The following CNGB1 variants were observed in gnomAD, a reference collection of about 807,000 sequenced individuals.
CNGB1 encodes cyclic nucleotide gated channel subunit beta 1.
CNGB1 carries 126 observed loss-of-function variants against 151.7 expected under a neutral mutation model. That is an observed-to-expected ratio of 0.83 (90% confidence interval 0.72 to 0.96). The LOEUF is 0.96. Ranked by LOEUF, CNGB1 falls within the 40% of genes least tolerant of loss-of-function variation. The pLI is 0.00. For synonymous variants in CNGB1, 623 were observed against 635.1 expected, an observed-to-expected ratio of 0.98 and a Z score of 0.29; for missense variants, 1,698 against 1,627.0, an observed-to-expected ratio of 1.04 and a Z score of -0.75.
At chr16:57,969,967 G>A (rs1962498625) in intron 1 of CNGB1, among the ~76,000 whole-genome samples, 1 of 152,204 alleles carries the variant, frequency 6.6e-6, no homozygotes, top group South Asian at 2.1e-4. Flanking sequence ...CAGCTGAAGA[G>A]GGCAGCCCAG....
Position 57,955,178 on chromosome 16 carries a change from C to T in CNGB1, c.874+2163G>A. On this transcript the variant is annotated intron_variant, in intron 12 of 32. Coordinates refer to ENST00000251102, the MANE Select transcript of CNGB1 (RefSeq NM_001297.5). ...GGGGCTGGTGCAGGTGACTCTGGCT[C>T]CCCTTGTCCTGCCTGGGAGTGTGTG... 4 of 1,508,990 alleles carry T rather than the reference C, an allele frequency of 2.7e-6. No individual in the cohort carries two copies. The South Asian group carries it at 5.1e-5, about 19-fold the overall frequency. 93.5% of individuals were successfully genotyped at this position (1,508,990 alleles called of 1,614,324 possible).
At chr16:57,891,743 G>T (rs1960097500) in intron 31 of CNGB1, among the ~76,000 whole-genome samples, 1 of 152,016 alleles carries the variant, frequency 6.6e-6, no homozygotes, top group Admixed American at 6.6e-5. Context: ...TTTTAGTAGA[G>T]ATGGGGTTTC....
rs750832506 is a variant in CNGB1 at position 57,884,133 on chromosome 16, G to T, written c.*31C>A. On this transcript the variant is annotated 3_prime_UTR_variant, in exon 33 of 33. Transcript: ENST00000251102. ...GCGGGCGCTGGGGACACACCTGCTGGAACTGCGCGCGGGATCCGCCTCACC... is the reference window on the plus strand; with the variant it reads ...GCGGGCGCTGGGGACACACCTGCTGTAACTGCGCGCGGGATCCGCCTCACC... 1.2e-6 allele frequency: 2 copies of T among 1,613,858 alleles called. No individual in the cohort carries two copies. Among genetic ancestry groups the T allele is most frequent in the South Asian group, 2.2e-5 (2 of 91,072 alleles).
chr16:57,932,165 T>C (rs1043899816), intron 16 of CNGB1, among the ~76,000 whole-genome samples: 5 of 152,154 alleles, frequency 3.3e-5, no homozygotes, highest in Admixed American at 3.3e-4. Flanking sequence ...CTCTCCTAGC[T>C]CTCAAAGCCC....
intron 24 of CNGB1, 109 bp downstream of exon 24, chr16:57,912,801 TGTGTGTGTGTTGTGTGTGTC>T (rs1960761975): frequency 6.7e-6 from 6 of 893,832 alleles, no homozygotes; most frequent in Admixed American, 2.0e-5. Flanking sequence ...GTGTGTATGT[TGTGTGTGTGTTGTGTGTGTC>T]GTGTGTGTGT....
chr16:57,939,726 T>C, intron 15 of CNGB1, 134 bp from the exon 16 acceptor site: 1 of 1,259,200 alleles, frequency 7.9e-7, no homozygotes, highest in Non-Finnish European at 1.2e-6. Flanking sequence ...GCCAGTCAGG[T>C]CCTGCCAGCC....
chr16:57,907,662 G>A (rs1207693065), intron 25 of CNGB1, among the ~76,000 whole-genome samples: 2 of 152,234 alleles, frequency 1.3e-5, no homozygotes, highest in Non-Finnish European at 2.9e-5. Context: ...TCTCCCCTTT[G>A]CATAGAAAGG....
In CNGB1 at chr16:57,894,711, G is replaced by T. The variant is rs1179715481; in HGVS notation, c.3242+2686C>A. Among the ~76,000 whole-genome samples the T allele has an allele frequency of 2.4e-4, 37 of 152,214 alleles. 1 individual carries two copies. Among genetic ancestry groups the T allele is most frequent in the Non-Finnish European group, 1.5e-5 (1 of 68,028 alleles). Reference sequence around the variant, plus strand: ...GAGCCACGTAATAATGGGAGTTGCAGTCAGGGGGCAATGGGGACAGGGAGA... The same window carrying T: ...GAGCCACGTAATAATGGGAGTTGCATTCAGGGGGCAATGGGGACAGGGAGA... On this transcript the variant is annotated intron_variant, in intron 31 of 32. Transcript: ENST00000251102.
intron 12 of CNGB1, 41 bp from the exon 13 acceptor site, chr16:57,950,581 G>T: frequency 1.2e-6 from 2 of 1,611,646 alleles, no homozygotes; most frequent in Non-Finnish European, 1.7e-6. Context: ...GGATGTGCGG[G>T]AGAGTGGGCT....
chr16:57,967,155 C>T lies in CNGB1; in HGVS notation c.132G>A (p.Glu44=). ...EAEVEPEPNP[E]EAETESESMP... Reference sequence around the variant, plus strand: ...TGGACTCGGACTCTGTCTCGGCCTCCTCAGGATTCGGTTCTGGTTCCACCT... The same window carrying T: ...TGGACTCGGACTCTGTCTCGGCCTCTTCAGGATTCGGTTCTGGTTCCACCT... The change falls in exon 2 of 33, where the codon GAG becomes GAA. Residue 44 remains glutamate (E), a synonymous_variant. Coordinates refer to ENST00000251102, the MANE Select transcript of CNGB1 (RefSeq NM_001297.5). 1 of 1,614,222 alleles carries T rather than the reference C, an allele frequency of 6.2e-7. No individual in the cohort carries two copies. Among genetic ancestry groups the T allele is most frequent in the African/African-American group, 1.3e-5 (1 of 75,054 alleles).
At chr16:57,910,470 G>A (rs1187548622) in intron 25 of CNGB1, among the ~76,000 whole-genome samples, 7 of 152,096 alleles carry the variant, frequency 4.6e-5, no homozygotes, top group African/African-American at 9.7e-5. Flanking sequence ...CACCTCCCGG[G>A]TTCAAGTGAT....
chr16:57,957,688 C>T (rs1276244062), intron 11 of CNGB1, among the ~76,000 whole-genome samples: 2 of 152,242 alleles, frequency 1.3e-5, no homozygotes, highest in Non-Finnish European at 2.9e-5. Flanking sequence ...AGGACCTGGC[C>T]AGGCCTTCCT....
At chr16:57,949,486 C>T (rs927199458) in intron 13 of CNGB1, 47 bp from the exon 14 acceptor site, 46 of 1,611,466 alleles carry the variant, frequency 2.9e-5, no homozygotes, top group African/African-American at 5.3e-5. Flanking sequence ...GAAGCTGCCC[C>T]GCTGAGTCTA....
At chr16:57,929,182 A>G (rs1228458430) in intron 17 of CNGB1, among the ~76,000 whole-genome samples, 1 of 152,270 alleles carries the variant, frequency 6.6e-6, no homozygotes, top group Non-Finnish European at 1.5e-5. Context: ...AAATAGGCAA[A>G]GAACTCGAAT....
At chr16:57,960,348 A>C in intron 9 of CNGB1, 134 bp downstream of exon 9, 1 of 1,272,762 alleles carries the variant, frequency 7.9e-7, no homozygotes, top group Non-Finnish European at 1.1e-6. Flanking sequence ...AGCCTGCTCC[A>C]GGCAAGCCCT....
rs1418855154 is a variant in CNGB1, at chr16:57,917,318, T to C, written c.2116A>G (p.Ile706Val). ...YLCDLIYFLD[I>V]TVFQTRLQFV... ...TGCAGGCGTGTCTGGAACACGGTGA[T>C]GTCCAGGAAGTAGATGAGGTCGCAT... is the stretch of plus-strand genomic sequence containing the variant. The change falls in exon 21 of 33, where the codon ATC becomes GTC. Residue 706 changes from isoleucine (I) to valine (V), a missense_variant. By Grantham distance (29) the Ile-to-Val change is conservative. Coordinates refer to ENST00000251102, the MANE Select transcript of CNGB1 (RefSeq NM_001297.5). 1.2e-6 allele frequency: 2 copies of C among 1,613,958 alleles called. No homozygotes were observed. The highest frequency in any genetic ancestry group is 2.2e-5 in the East Asian group (1 of 44,864).
At chr16:57,889,733 G>A (rs1265526223) in intron 31 of CNGB1, among the ~76,000 whole-genome samples, 1 of 152,154 alleles carries the variant, frequency 6.6e-6, no homozygotes, top group African/African-American at 2.4e-5. Flanking sequence ...CAGAGGGGGT[G>A]AGTAACTTTC....
intron 16 of CNGB1, among the ~76,000 whole-genome samples, chr16:57,938,625 A>C (rs532914234): frequency 3.9e-5 from 6 of 151,984 alleles, no homozygotes; most frequent in African/African-American, 1.5e-4. Flanking sequence ...GCCAGGAGTG[A>C]AATGCAGGTC....
chr16:57,915,152 CCT>C, intron 23 of CNGB1, 95 bp downstream of exon 23: 1 of 956,690 alleles, frequency 1.0e-6, no homozygotes, highest in Non-Finnish European at 1.6e-6. Flanking sequence ...GAGGAACTCC[CCT>C]CCCCAGTGCT....
Sources: gnomAD v4.1 joint callset for allele counts (sites outside exome capture counted in the v4.1 genomes callset) on GRCh38, gnomAD v4.1.1 for gene constraint, MANE v1.5 for transcripts, NCBI Gene and HGNC (gene_info 2026-07-23, HGNC 2026-07-21) for gene names.